LRBA: variants seen among roughly 807,000 people sequenced by gnomAD.
LRBA encodes the protein LPS responsive beige-like anchor protein, also known as lipopolysaccharide-responsive and beige-like anchor protein.
Under a neutral mutation model 330.0 loss-of-function variants are expected in LRBA, and 176 were observed. That is an observed-to-expected ratio of 0.53 (90% CI 0.47 to 0.60). The LOEUF (loss-of-function observed/expected upper bound fraction) is 0.60. Among genes scored for constraint, LRBA ranks in the 20% least tolerant of loss-of-function variants. The pLI is 0.00. For missense variants in LRBA, 3,259 were observed against 3,444.8 expected, an observed-to-expected ratio of 0.95 and a Z score of 1.35; for synonymous variants, 1,230 against 1,193.0, an observed-to-expected ratio of 1.03 and a Z score of -0.64.
intron 37 of LRBA, among the ~76,000 whole-genome samples, chr4:150,633,731 C>T (rs1777608737): frequency 1.3e-5 from 2 of 152,204 alleles, no homozygotes; most frequent in African/African-American, 2.4e-5. Flanking sequence ...TGGCTACTAT[C>T]AATATCTCCA....
At chr4:150,774,141 G>A (rs1210035953) in intron 34 of LRBA, among the ~76,000 whole-genome samples, 1 of 152,082 alleles carries the variant, frequency 6.6e-6, no homozygotes, top group Non-Finnish European at 1.5e-5. Context: ...AGGATGTTTT[G>A]TTTAATTAAA....
At chr4:150,505,559 T>C (rs1319324199) in intron 40 of LRBA, among the ~76,000 whole-genome samples, 1 of 152,076 alleles carries the variant, frequency 6.6e-6, no homozygotes, top group Admixed American at 6.5e-5. Flanking sequence ...CATACCAGAA[T>C]CTCTAGGACA....
intron 56 of LRBA, among the ~76,000 whole-genome samples, chr4:150,275,589 G>A (rs1180196243): frequency 6.6e-6 from 1 of 152,128 alleles, no homozygotes; most frequent in South Asian, 2.1e-4. Flanking sequence ...AAAGTCTCAG[G>A]ATACAAAATC....
chr4:150,556,544 CTATT>C (rs1037124598), intron 40 of LRBA, among the ~76,000 whole-genome samples: 3 of 152,160 alleles, frequency 2.0e-5, no homozygotes, highest in African/African-American at 7.2e-5. Flanking sequence ...CCTTATTAGC[CTATT>C]TACTTATTTA....
chr4:150,455,464 G>A (rs994754242), intron 44 of LRBA, among the ~76,000 whole-genome samples: 2 of 151,934 alleles, frequency 1.3e-5, no homozygotes, highest in Non-Finnish European at 2.9e-5. Flanking sequence ...AAAAAATGAT[G>A]AGTTCATGTC....
chr4:150,790,673 T>C (rs72961825), intron 34 of LRBA, among the ~76,000 whole-genome samples: 4,939 of 152,312 alleles, frequency 0.032, 223 homozygotes, highest in African/African-American at 0.11. Flanking sequence ...GACCAATTTA[T>C]ATAGCTTGAA....
intron 40 of LRBA, chr4:150,579,196 GCTGATGGA>G (rs1347218280): frequency 2.2e-6 from 1 of 456,678 alleles, no homozygotes; most frequent in Non-Finnish European, 4.4e-6. Context: ...TCAAGGAGCT[GCTGATGGA>G]CTTCTATACT....
intron 47 of LRBA, among the ~76,000 whole-genome samples, chr4:150,357,393 G>A (rs1738009322): frequency 6.6e-6 from 1 of 151,936 alleles, no homozygotes; most frequent in Admixed American, 6.6e-5. Flanking sequence ...ACTGAAGTCT[G>A]TATTGCTGTG....
chr4:150,906,064 G>A (rs888070060), intron 12 of LRBA, 74 bp from the exon 13 acceptor site: 1 of 1,299,366 alleles, frequency 7.7e-7, no homozygotes, highest in Non-Finnish European at 1.1e-6. Flanking sequence ...TCCCTACCAG[G>A]AAAAAAACTG....
intron 56 of LRBA, among the ~76,000 whole-genome samples, chr4:150,271,081 G>A (rs1746028876): frequency 6.6e-6 from 1 of 152,142 alleles, no homozygotes; most frequent in Non-Finnish European, 1.5e-5. Context: ...GTGGGGTGTT[G>A]CCTCACCCAT....
At chr4:150,550,555 A>G (rs537539458) in intron 40 of LRBA, among the ~76,000 whole-genome samples, 1 of 152,326 alleles carries the variant, frequency 6.6e-6, no homozygotes, top group South Asian at 2.1e-4. Flanking sequence ...GTGTATATAA[A>G]TATCTCAGTC....
At chr4:150,543,481 G>C (rs1487389510) in intron 40 of LRBA, among the ~76,000 whole-genome samples, 1 of 152,142 alleles carries the variant, frequency 6.6e-6, no homozygotes, top group Non-Finnish European at 1.5e-5. Flanking sequence ...TCTTGACGCA[G>C]AAGAGGCAAT....
At chr4:150,863,097 G>C (rs1010125399) in intron 22 of LRBA, among the ~76,000 whole-genome samples, 2 of 152,010 alleles carry the variant, frequency 1.3e-5, no homozygotes, top group African/African-American at 4.8e-5. Flanking sequence ...AGGAGTTGAA[G>C]ACCAGCCTGA....
intron 40 of LRBA, among the ~76,000 whole-genome samples, chr4:150,504,616 C>G (rs555917101): frequency 6.6e-6 from 1 of 152,218 alleles, no homozygotes; most frequent in African/African-American, 2.4e-5. Flanking sequence ...AAAGGAACAA[C>G]TGGTACCAGC....
chr4:150,483,553 T>G (rs1757537357), intron 42 of LRBA, among the ~76,000 whole-genome samples: 1 of 151,974 alleles, frequency 6.6e-6, no homozygotes, highest in Admixed American at 6.6e-5. Flanking sequence ...AGACTGGTCT[T>G]GAACTCCTAG....
rs1732631429 is a variant in LRBA, at chr4:150,916,702, G to T, written c.682C>A (p.Gln228Lys). 6.3e-7 allele frequency: 1 copy of T among 1,590,942 alleles called. No homozygotes were observed. The highest frequency in any genetic ancestry group is 1.2e-5 in the South Asian group (1 of 85,632). Residue 228 changes from glutamine to lysine, a missense_variant, in exon 6 of 57, where the codon CAG becomes AAG. By Grantham distance (53) the Gln-to-Lys change is moderately conservative (BLOSUM62 1). Transcript: ENST00000651943. The part of the protein sequence containing the change: ...ALPPIAKWPY[Q>K]NGFTFHTWLR... ...CATGTATGAAATGTAAAACCATTCT[G>T]GTATGGCCATTTGGCTATAGGAGGT...
At chr4:150,810,029 ATAAGGTTAAT>A (rs1276512065) in intron 31 of LRBA, among the ~76,000 whole-genome samples, 2 of 152,180 alleles carry the variant, frequency 1.3e-5, no homozygotes, top group African/African-American at 4.8e-5. Context: ...GGTAAGGCAA[ATAAGGTTAAT>A]TCTGGATATA....
At chr4:150,511,063 G>A (rs1384487256) in intron 40 of LRBA, among the ~76,000 whole-genome samples, 1 of 152,030 alleles carries the variant, frequency 6.6e-6, no homozygotes, top group African/African-American at 2.4e-5. Flanking sequence ...TCACCATGTT[G>A]GCTAGGCTGG....
In LRBA at chr4:150,387,315, T is replaced by C. The variant is rs369073538; in HGVS notation, c.7194+28123A>G. On this transcript the variant is annotated intron_variant, in intron 47 of 56. Coordinates refer to ENST00000651943, the MANE Select transcript of LRBA (RefSeq NM_001364905.1). ...CATAAGGCAATCTATATTACCTTTA[T>C]ATGGTTTTAGAATGGAAGGTAAATA... 7.4e-4 allele frequency among the ~76,000 whole-genome samples: 113 copies of C among 152,348 alleles called. 3 individuals carry two copies. In the South Asian group the frequency reaches 0.023, roughly 31 times the overall value.
Sources: gnomAD v4.1 joint callset for allele counts (sites outside exome capture counted in the v4.1 genomes callset) on GRCh38, gnomAD v4.1.1 for gene constraint, MANE v1.5 for transcripts, NCBI Gene and HGNC (gene_info 2026-07-23, HGNC 2026-07-21) for gene names.